The following DNAH1 variants were observed in gnomAD, a reference collection of about 807,000 sequenced individuals.
The protein encoded by DNAH1 is axonemal beta dynein heavy chain 1.
A neutral mutation model predicts 484.3 loss-of-function variants in DNAH1; 327 were observed. That is an observed-to-expected ratio of 0.68 (90% CI 0.62 to 0.74). DNAH1 has a LOEUF of 0.74. Among genes scored for constraint, DNAH1 ranks in the 30% least tolerant of loss-of-function variants. DNAH1 has a pLI of 0.00. For missense variants in DNAH1, 5,052 were observed against 5,546.8 expected, an observed-to-expected ratio of 0.91 and a Z score of 2.83; for synonymous variants, 2,192 against 2,191.9, an observed-to-expected ratio of 1.00 and a Z score of 0.00.
At position 52,357,961 on chromosome 3, in the gene DNAH1, C is replaced by T. The variant is rs376898687; in HGVS notation, c.4044C>T (p.Ala1348=). Residue 1348 remains alanine (A), a synonymous_variant, in exon 24 of 78, where the codon GCC becomes GCT. Transcript: ENST00000420323. ...EILSQTKDPT[A]VQPHLRKCFE... Reference sequence around the variant, plus strand: ...TGTCGCAGACAAAGGACCCCACGGCCGTGCAGCCACACCTGCGCAAGTGCT... The same window carrying T: ...TGTCGCAGACAAAGGACCCCACGGCTGTGCAGCCACACCTGCGCAAGTGCT... 7.4e-6 allele frequency: 12 copies of T among 1,613,048 alleles called. No individual in the cohort carries two copies. Among genetic ancestry groups the T allele is most frequent in the African/African-American group, 5.3e-5 (4 of 75,048 alleles).
In DNAH1 at chr3:52,359,920, G is replaced by A; in HGVS notation, c.4412G>A (p.Ser1471Asn). 6 of 1,613,764 alleles carry A rather than the reference G, an allele frequency of 3.7e-6. No homozygotes were observed. The highest frequency in any genetic ancestry group is 5.1e-6 in the Non-Finnish European group (6 of 1,179,846). ...QLFPQLCQQL[S>N]DLVALVRGKL... is the part of the protein sequence containing the mutation. ...CAGTGCACCCCATTTCTGCAGCTCA[G>A]TGATCTGGTGGCCCTTGTGCGGGGG... Residue 1471 changes from serine to asparagine, a missense_variant, in exon 27 of 78, where the codon AGT (serine) becomes AAT (asparagine). Ser to Asn is a conservative substitution (Grantham distance 46). Coordinates refer to ENST00000420323, the MANE Select transcript of DNAH1 (RefSeq NM_015512.5).
At chr3:52,332,466 G>A in intron 8 of DNAH1, 72 bp downstream of exon 8, 1 of 1,567,580 alleles carries the variant, frequency 6.4e-7, no homozygotes, top group Non-Finnish European at 8.6e-7. Flanking sequence ...GGAAGTTGGT[G>A]CTACTCCAGG....
chr3:52,365,630 C>A (rs1372220364), intron 34 of DNAH1, among the ~76,000 whole-genome samples: 1 of 152,124 alleles, frequency 6.6e-6, no homozygotes, highest in Non-Finnish European at 1.5e-5. Flanking sequence ...TCATTCCCAG[C>A]CAGCCACCCC....
In DNAH1 at chr3:52,373,218, A is replaced by G. The variant is rs1048049813; in HGVS notation, c.6985+165A>G. On this transcript the variant is annotated intron_variant, in intron 44 of 77. Coordinates refer to ENST00000420323, the MANE Select transcript of DNAH1 (RefSeq NM_015512.5). The stretch of plus-strand genomic sequence containing the variant: ...GGGGGGCCGGCTGGGGGAGGGGCGG[A>G]GAGACGCCGCCGCCACGGCTGCCGC... Among the ~76,000 whole-genome samples, 25 of 152,040 alleles carry G rather than the reference A, an allele frequency of 1.6e-4. No homozygotes were observed. The East Asian group carries it at 3.1e-3, about 19-fold the overall frequency.
rs1357012263 is a variant in DNAH1, at chr3:52,398,125, G to T, written c.12052G>T (p.Glu4018Ter). ...GGCCAAGTACCCAGTGCTGTATGAG[G>T]AATCAATGAACACAGTACTAGTACA... ...VMAKYPVLYE[E>*]SMNTVLVQEV... Residue 4018 changes from glutamate to a stop codon, truncating the protein, a stop_gained, in exon 75 of 78, where the codon GAA (glutamate) becomes TAA (stop). Transcript: ENST00000420323. LOFTEE classifies it high-confidence loss of function. 6.2e-7 allele frequency: 1 copy of T among 1,613,550 alleles called. No homozygotes were observed. Among genetic ancestry groups the T allele is most frequent in the Non-Finnish European group, 8.5e-7 (1 of 1,179,798 alleles).
chr3:52,341,640 G>T (rs1277048760), intron 8 of DNAH1, among the ~76,000 whole-genome samples: 1 of 148,090 alleles, frequency 6.8e-6, no homozygotes. Context: ...TTATATATCT[G>T]CATCAGTGGT....
At chr3:52,323,687 T>C (rs568629276) in intron 2 of DNAH1, 121 bp from the exon 3 acceptor site, 3 of 655,688 alleles carry the variant, frequency 4.6e-6, no homozygotes, top group East Asian at 5.5e-5. Flanking sequence ...TGCCCACTCC[T>C]GTGCTCCTGG....
At position 52,326,729 on chromosome 3, in the gene DNAH1, G is replaced by T. The variant is rs1453796788; in HGVS notation, c.582-6G>T. 8 of 1,601,628 alleles carry T rather than the reference G, an allele frequency of 5.0e-6. No individual in the cohort carries two copies. In the Admixed American group the frequency reaches 8.5e-5, roughly 17 times the overall value. On this transcript the variant is annotated splice_polypyrimidine_tract_variant and splice_region_variant and intron_variant, in intron 4 of 77. Transcript: ENST00000420323. ...ATCCTGAGGTCCCCTCCCTGCCCTT[G>T]ACCAGGAGGAAACAGCAGTACCTGA...
intron 12 of DNAH1, among the ~76,000 whole-genome samples, chr3:52,348,609 GCTGAGTCAGGC>G (rs1702240084): frequency 6.6e-6 from 1 of 152,204 alleles, no homozygotes; most frequent in African/African-American, 2.4e-5. Flanking sequence ...TTGGTCCTGG[GCTGAGTCAGGC>G]CCAGGCAGAG....
chr3:52,350,668 T>A (rs1384212235), intron 16 of DNAH1, 78 bp downstream of exon 16: 13 of 1,282,772 alleles, frequency 1.0e-5, no homozygotes, highest in Middle Eastern at 3.9e-4. Context: ...GGCTCCCAAA[T>A]GCCCCAGCTG....
Position 52,362,188 on chromosome 3 carries a change from G to A in DNAH1, c.4981-200G>A, listed in dbSNP as rs979912632. Among the ~76,000 whole-genome samples the A allele has an allele frequency of 3.3e-5, 5 of 152,216 alleles. No homozygotes were observed. The highest frequency in any genetic ancestry group is 1.2e-4 in the African/African-American group (5 of 41,454). ...CTCCAAGGGCCTGAAGCCAGGAGCT[G>A]GAAGGCCATGGGTAGCCACTGGGGC... On this transcript the variant is annotated intron_variant, in intron 30 of 77. Transcript: ENST00000420323. This position sits in a 1 kb window ranked among gnomAD's most constrained non-coding sequence, Gnocchi z 5.1.
At chr3:52,384,367 G>A (rs1048744890) in intron 52 of DNAH1, among the ~76,000 whole-genome samples, 4 of 150,672 alleles carry the variant, frequency 2.7e-5, no homozygotes, top group South Asian at 2.1e-4. Flanking sequence ...CTGAGACGGT[G>A]ACAGTCCCAA....
rs776928988 is a variant in DNAH1 at position 52,392,676 on chromosome 3, C to T, written c.10265C>T (p.Ala3422Val). The change falls in exon 64 of 78, where the codon GCT becomes GTT. Residue 3422 changes from alanine to valine, a missense_variant. This residue lies in a region of DNAH1 where 2,929 missense variants were observed against 3,409.4 expected (regional missense o/e 0.86). Coordinates refer to ENST00000420323, the MANE Select transcript of DNAH1 (RefSeq NM_015512.5). ...GTGCTGGAAGCCTCCAAGATGAAGG[C>T]TGCTGAGATCCAGGTCAGCTGCTGC... is the stretch of plus-strand genomic sequence containing the variant. The part of the protein sequence containing the change: ...IKVLEASKMK[A>V]AEIQAKVRIA... 3 of 1,601,028 alleles carry T rather than the reference C, an allele frequency of 1.9e-6. No individual in the cohort carries two copies. The African/African-American group carries it at 4.0e-5, about 21-fold the overall frequency.
At chr3:52,333,884 C>G (rs1407505703) in intron 8 of DNAH1, among the ~76,000 whole-genome samples, 1 of 152,010 alleles carries the variant, frequency 6.6e-6, no homozygotes, top group Non-Finnish European at 1.5e-5. Context: ...TGTGAGTGTT[C>G]TGAGCATATT....
In DNAH1 at chr3:52,359,930, G is replaced by A. The variant is rs1275294164; in HGVS notation, c.4422G>A (p.Val1474=). Residue 1474 remains valine (V), a synonymous_variant, in exon 27 of 78, where the codon GTG becomes GTA. Coordinates refer to ENST00000420323, the MANE Select transcript of DNAH1 (RefSeq NM_015512.5). ...PQLCQQLSDL[V]ALVRGKLSRM... Reference sequence around the variant, plus strand: ...CATTTCTGCAGCTCAGTGATCTGGTGGCCCTTGTGCGGGGGAAGCTGTCCC... The same window carrying A: ...CATTTCTGCAGCTCAGTGATCTGGTAGCCCTTGTGCGGGGGAAGCTGTCCC... The A allele has an allele frequency of 6.2e-6, 10 of 1,613,824 alleles. No individual in the cohort carries two copies. The East Asian group carries it at 2.2e-4, about 36-fold the overall frequency.
intron 36 of DNAH1, among the ~76,000 whole-genome samples, chr3:52,367,403 T>G (rs1703130783): frequency 6.6e-6 from 1 of 151,998 alleles, no homozygotes; most frequent in Admixed American, 6.6e-5. Context: ...TAGGGGATGG[T>G]CACTAGGGAG....
In DNAH1 at chr3:52,382,514, C is replaced by T. The variant is rs528782284; in HGVS notation, c.7941+59C>T. The T allele has an allele frequency of 4.8e-5, 76 of 1,594,118 alleles. 1 individual carries two copies. In the South Asian group the frequency reaches 7.9e-4, roughly 17 times the overall value. ...GGGGCTGGACACAACCCCATCTGAGCATAGCATCCCGGAAGGTGGCCAGTC... is the reference window on the plus strand; with the variant it reads ...GGGGCTGGACACAACCCCATCTGAGTATAGCATCCCGGAAGGTGGCCAGTC... On this transcript the variant is annotated intron_variant, in intron 50 of 77. Coordinates refer to ENST00000420323, the MANE Select transcript of DNAH1 (RefSeq NM_015512.5).
chr3:52,360,145 A>T (rs1578139974), intron 27 of DNAH1, 66 bp downstream of exon 27: 3 of 1,605,070 alleles, frequency 1.9e-6, no homozygotes, highest in East Asian at 4.5e-5. Context: ...GAAAAGAGAA[A>T]AGTCAGTTAG....
intron 44 of DNAH1, chr3:52,374,920 G>A (rs192212903): frequency 2.5e-6 from 2 of 791,034 alleles, no homozygotes; most frequent in African/African-American, 4.0e-5. Context: ...AAACGTCCAG[G>A]GTTACTTGAA....
Sources: gnomAD v4.1 joint callset for allele counts (sites outside exome capture counted in the v4.1 genomes callset) on GRCh38, gnomAD v4.1.1 for gene constraint, gnomAD v4.1.1 regional missense constraint, Gnocchi (gnomAD v3.1) non-coding constraint, MANE v1.5 for transcripts, NCBI Gene and HGNC (gene_info 2026-07-23, HGNC 2026-07-21) for gene names.